Variants in ENTPD5 observed in about 807,000 individuals in gnomAD.
The protein encoded by ENTPD5 is ectonucleoside triphosphate diphosphohydrolase 5 (inactive).
Under a neutral mutation model 60.2 loss-of-function variants are expected in ENTPD5, and 49 were observed. The ratio of observed to expected loss-of-function variants is 0.81; its 90% CI spans 0.65 to 1.03. The LOEUF (loss-of-function observed/expected upper bound fraction) is 1.03, where lower values mean the gene tolerates loss of function less well. Among genes scored for constraint, ENTPD5 ranks in the 50% least tolerant of loss-of-function variants. ENTPD5 has a pLI of 0.00. For synonymous variants in ENTPD5, 187 were observed against 185.4 expected (o/e 1.01, Z -0.07); for missense variants, 480 against 507.6 (o/e 0.95, Z 0.52).
At chr14:73,971,577 A>G (rs969895921) in intron 14 of ENTPD5, among the ~76,000 whole-genome samples, 2 of 152,184 alleles carry the variant, frequency 1.3e-5, no homozygotes, top group African/African-American at 2.4e-5. Flanking sequence ...CAATGCAGTG[A>G]CTGTTCACAG....
At position 73,987,929 on chromosome 14, in the gene ENTPD5, A is replaced by G; in HGVS notation, c.174T>C (p.Thr58=). Residue 58 remains threonine (T), a synonymous_variant, in exon 4 of 16, where the codon ACT becomes ACC. Transcript: ENST00000334696. ...AGGTGTAAACATGAATTCGAGTTCC[A>G]GTGCTCCCTGCATCAAACATAATTC... ...LYGIMFDAGS[T]GTRIHVYTFV... is the part of the protein sequence containing the mutation. The G allele has an allele frequency of 6.2e-7, 1 of 1,614,212 alleles. No homozygotes were observed. Among genetic ancestry groups the G allele is most frequent in the Non-Finnish European group, 8.5e-7 (1 of 1,180,048 alleles).
Position 73,976,234 on chromosome 14 carries a change from G to A in ENTPD5, c.642+90C>T, listed in dbSNP as rs1035215494. On this transcript the variant is annotated intron_variant, in intron 9 of 15. Coordinates refer to ENST00000334696, the MANE Select transcript of ENTPD5 (RefSeq NM_001249.5). ...CTTGACTCTGCCTAAGCGTGGTAGA[G>A]CTGCTGGCTGAAAATGGGGCGCCTC... 9 of 1,138,080 alleles carry A rather than the reference G, an allele frequency of 7.9e-6. No homozygotes were observed. In the East Asian group the frequency reaches 1.9e-4, roughly 24 times the overall value. 70.5% of individuals were successfully genotyped at this position (1,138,080 alleles called of 1,614,324 possible).
At chr14:73,958,788 T>C (rs1371155832), downstream of ENTPD5, 1 of 1,501,768 alleles carries the variant, frequency 6.7e-7, no homozygotes, top group African/African-American at 1.4e-5. Flanking sequence ...TTGGCTCTGT[T>C]GGCTGAGGCT....
intron 3 of ENTPD5, among the ~76,000 whole-genome samples, chr14:73,999,647 C>T (rs2058445017): frequency 1.3e-5 from 2 of 150,704 alleles, no homozygotes; most frequent in South Asian, 4.2e-4. Flanking sequence ...CAAAAATTAG[C>T]CAGGCGCAGT....
chr14:73,963,078 C>CTTAT, downstream of ENTPD5: 1 of 1,177,772 alleles, frequency 8.5e-7, no homozygotes. Flanking sequence ...TTTTCAAGAT[C>CTTAT]TTATTTAATT....
At chr14:74,017,880 T>C (rs1471988447) in intron 1 of ENTPD5, among the ~76,000 whole-genome samples, 1 of 134,076 alleles carries the variant, frequency 7.5e-6, no homozygotes, top group Non-Finnish European at 1.6e-5. Context: ...GCAAAACTCT[T>C]GTCTCAAAAA....
rs1278714153 is a variant in ENTPD5, at chr14:73,976,345, G to C, written c.621C>G (p.Ile207Met). The C allele has an allele frequency of 1.9e-6, 3 of 1,614,126 alleles. No homozygotes were observed. The South Asian group carries it at 3.3e-5, about 18-fold the overall frequency. Residue 207 changes from isoleucine to methionine, a missense_variant, in exon 9 of 16, where the codon ATC becomes ATG. Physicochemically the swap from Ile to Met is conservative, Grantham distance 10 (BLOSUM62 1). Coordinates refer to ENST00000334696, the MANE Select transcript of ENTPD5 (RefSeq NM_001249.5). ...TCACCTCAAACTGGGGCAGGAACGT[G>C]ATTTGGGTGGAGGCTCCCCCTAGGT... ...TLDLGGASTQ[I>M]TFLPQFEKTL... is the part of the protein sequence containing the mutation.
Position 74,005,364 on chromosome 14 carries a change from C to CAAAAA in ENTPD5, c.-71+5722_-71+5726dup, listed in dbSNP as rs35560902. Among the ~76,000 whole-genome samples, 30 of 117,098 alleles carry CAAAAA rather than the reference C, an allele frequency of 2.6e-4. 1 individual carries two copies. The highest frequency in any genetic ancestry group is 2.8e-4 in the Non-Finnish European group (17 of 59,678). The allele number at this position is 117,098 out of a possible 152,430, so 76.8% of individuals were successfully genotyped here. On this transcript the variant is annotated intron_variant, in intron 3 of 15. Transcript: ENST00000334696. Reference sequence around the variant, plus strand: ...TGGGTGAGAGAGCAAGACTCGGTCTCAAAAAAAAAGAAAAGAAATATAGGC... The same window carrying CAAAAA: ...TGGGTGAGAGAGCAAGACTCGGTCTCAAAAAAAAAAAAAAGAAAAGAAATATAGGC...
chr14:73,957,930 T>A (rs1253391613), downstream of ENTPD5: 9 of 521,850 alleles, frequency 1.7e-5, no homozygotes. Context: ...TCTGACAGAG[T>A]TCACTGAGAA....
At position 73,970,187 on chromosome 14, in the gene ENTPD5, C is replaced by T. The variant is rs189063116; in HGVS notation, c.1085-62G>A. 6 of 1,269,422 alleles carry T rather than the reference C, an allele frequency of 4.7e-6. No individual in the cohort carries two copies. In the Admixed American group the frequency reaches 1.0e-4, roughly 22 times the overall value. 78.6% of individuals were successfully genotyped at this position (1,269,422 alleles called of 1,614,324 possible). A position where few individuals can be genotyped will look rare whatever the true frequency, so the allele number is the denominator to read the frequency against. The stretch of plus-strand genomic sequence containing the variant: ...AACTAACTGAGAGGTGTAGGATTTT[C>T]TCTTAGAAAGAAGTGGAATAGGGGC... On this transcript the variant is annotated intron_variant, in intron 14 of 15. Coordinates refer to ENST00000334696, the MANE Select transcript of ENTPD5 (RefSeq NM_001249.5).
At chr14:73,969,866 C>G in intron 15 of ENTPD5, 144 bp downstream of exon 15, 1 of 590,324 alleles carries the variant, frequency 1.7e-6, no homozygotes, top group Non-Finnish European at 3.1e-6. Flanking sequence ...ATTCATGGTG[C>G]CCAGCACAGT....
chr14:73,957,750 T>C (rs2056511155), downstream of ENTPD5, among the ~76,000 whole-genome samples: 1 of 152,198 alleles, frequency 6.6e-6, no homozygotes, highest in Non-Finnish European at 1.5e-5. Flanking sequence ...ATTGTTTTTA[T>C]GACCAGAAAA....
At chr14:73,960,296 A>T, downstream of ENTPD5, 1 of 985,834 alleles carries the variant, frequency 1.0e-6, no homozygotes, top group Non-Finnish European at 1.2e-6. Flanking sequence ...AAATGAGAGA[A>T]CTTTTGTAAA....
At chr14:73,990,428 G>A (rs368325875) in intron 3 of ENTPD5, among the ~76,000 whole-genome samples, 3 of 151,668 alleles carry the variant, frequency 2.0e-5, no homozygotes, top group Non-Finnish European at 2.9e-5. Flanking sequence ...ATCACCTCCC[G>A]GGCTCAAGTG....
intron 3 of ENTPD5, among the ~76,000 whole-genome samples, chr14:73,994,548 C>G (rs2140719567): frequency 6.6e-6 from 1 of 151,994 alleles, no homozygotes; most frequent in African/African-American, 2.4e-5. Flanking sequence ...GACTGGTCAA[C>G]ATGGTGACAC....
At chr14:74,003,212 G>T (rs2159147) in intron 3 of ENTPD5, among the ~76,000 whole-genome samples, 107,029 of 152,140 alleles carry the variant, frequency 0.7, 38,118 homozygotes, top group South Asian at 0.78. Flanking sequence ...AAAGCTTACT[G>T]ATATTTATTG....
chr14:74,008,190 A>G (rs1197880046), intron 3 of ENTPD5, among the ~76,000 whole-genome samples: 1 of 152,000 alleles, frequency 6.6e-6, no homozygotes, highest in African/African-American at 2.4e-5. Context: ...AAAGACTTAC[A>G]TATAATAAGA....
chr14:73,957,398 T>C (rs1012892142), downstream of ENTPD5, among the ~76,000 whole-genome samples: 1 of 152,218 alleles, frequency 6.6e-6, no homozygotes, highest in Admixed American at 6.5e-5. Context: ...ATTATTTAAA[T>C]CGCTTTGTTG....
intron 3 of ENTPD5, among the ~76,000 whole-genome samples, chr14:74,001,699 A>AAAAAAAAG (rs2058516402): frequency 8.5e-6 from 1 of 118,228 alleles, no homozygotes; most frequent in African/African-American, 3.2e-5. Flanking sequence ...AAAAAAAAAA[A>AAAAAAAAG]AAGCCAGGCA....
Sources: allele counts gnomAD v4.1 joint callset (sites outside exome capture counted in the v4.1 genomes callset), GRCh38; gene constraint gnomAD v4.1.1; transcripts MANE v1.5; gene names NCBI Gene and HGNC (gene_info 2026-07-23, HGNC 2026-07-21).